Variants in CCSER1 observed in about 807,000 individuals in gnomAD.
The protein encoded by CCSER1 is coiled-coil serine rich protein 1.
In CCSER1, 41 loss-of-function variants were observed where a neutral mutation model predicts 82.0. That is an observed-to-expected ratio of 0.50 (90% CI 0.39 to 0.65). The LOEUF is 0.65. CCSER1 is among the 30% of genes least tolerant of loss of function. The pLI, the probability that CCSER1 is intolerant of heterozygous loss-of-function variation, is 0.00. For synonymous variants in CCSER1, 414 were observed against 383.9 expected, an observed-to-expected ratio of 1.08 and a Z score of -0.92; for missense variants, 1,119 against 1,064.2, an observed-to-expected ratio of 1.05 and a Z score of -0.72.
chr4:90,456,001 A>C (rs554742948), intron 4 of CCSER1, among the ~76,000 whole-genome samples: 2 of 152,276 alleles, frequency 1.3e-5, no homozygotes, highest in Admixed American at 6.5e-5. Context: ...TGGCCTCACC[A>C]AATTGCAGCC....
chr4:90,748,510 T>C (rs1011571542), intron 7 of CCSER1, among the ~76,000 whole-genome samples: 8 of 148,564 alleles, frequency 5.4e-5, no homozygotes, highest in African/African-American at 1.5e-4. Context: ...TGTGCATGTG[T>C]CTTTATAGCA....
intron 10 of CCSER1, among the ~76,000 whole-genome samples, chr4:91,329,049 T>G (rs890207682): frequency 2.6e-4 from 40 of 152,318 alleles, no homozygotes; most frequent in African/African-American, 9.6e-4. Flanking sequence ...TGTCAGTCAA[T>G]TAAACCTCTT....
At chr4:90,712,987 A>G (rs1172213541) in intron 6 of CCSER1, among the ~76,000 whole-genome samples, 1 of 131,502 alleles carries the variant, frequency 7.6e-6, no homozygotes, top group Non-Finnish European at 1.6e-5. Context: ...TCTTTTTTCC[A>G]TTTCCTTGGT....
Position 91,047,932 on chromosome 4 carries a change from A to G in CCSER1, c.2173-38018A>G, listed in dbSNP as rs926001810. 4.6e-5 allele frequency among the ~76,000 whole-genome samples: 7 copies of G among 152,182 alleles called. No individual in the cohort carries two copies. In the East Asian group the frequency reaches 1.2e-3, roughly 25 times the overall value. On this transcript the variant is annotated intron_variant, in intron 9 of 10. Transcript: ENST00000509176. Reference sequence around the variant, plus strand: ...ATCATACTTTTAGCAATAAACATGTATGTGTTAATTTTTATTAATAAATGG... The same window carrying G: ...ATCATACTTTTAGCAATAAACATGTGTGTGTTAATTTTTATTAATAAATGG...
chr4:90,484,177 C>G (rs1766583133), intron 5 of CCSER1, among the ~76,000 whole-genome samples: 1 of 151,922 alleles, frequency 6.6e-6, no homozygotes, highest in Non-Finnish European at 1.5e-5. Context: ...GTTACTGAGG[C>G]TTGTGCATTC....
intron 9 of CCSER1, among the ~76,000 whole-genome samples, chr4:90,925,425 A>G: frequency 6.6e-6 from 1 of 152,196 alleles, no homozygotes; most frequent in Non-Finnish European, 1.5e-5. Flanking sequence ...GGGAGACAGA[A>G]TTCTAACTTT....
chr4:90,930,910 T>TATA lies in CCSER1; in HGVS notation c.2172+7463_2172+7464insATA, dbSNP rs1729674620. Reference sequence around the variant, plus strand: ...TTGCAAAAGGAAATTTATCCTTATTTTATATATATATATATATATATATAT... The same window carrying TATA: ...TTGCAAAAGGAAATTTATCCTTATTTATATATATATATATATATATATATATAT... On this transcript the variant is annotated intron_variant, in intron 9 of 10. Coordinates refer to ENST00000509176, the MANE Select transcript of CCSER1 (RefSeq NM_001145065.2). Among the ~76,000 whole-genome samples the TATA allele has an allele frequency of 3.6e-5, 4 of 109,650 alleles. No individual in the cohort carries two copies. In the East Asian group the frequency reaches 7.6e-4, roughly 21 times the overall value. 71.9% of individuals were successfully genotyped at this position (109,650 alleles called of 152,430 possible). A position where few individuals can be genotyped will look rare whatever the true frequency, so the allele number is the denominator to read the frequency against.
chr4:90,803,303 G>T (rs1757061116), intron 7 of CCSER1, among the ~76,000 whole-genome samples: 1 of 152,020 alleles, frequency 6.6e-6, no homozygotes, highest in East Asian at 1.9e-4. Flanking sequence ...ACAGTGGTTT[G>T]CTGCACCCAT....
At chr4:90,152,903 A>C (rs1727152140) in intron 1 of CCSER1, among the ~76,000 whole-genome samples, 1 of 150,572 alleles carries the variant, frequency 6.6e-6, no homozygotes, top group South Asian at 2.1e-4. Flanking sequence ...TTATTATTAT[A>C]CTTTGAGTTT....
intron 1 of CCSER1, among the ~76,000 whole-genome samples, chr4:90,246,552 T>A (rs1261882907): frequency 1.3e-5 from 2 of 152,112 alleles, no homozygotes; most frequent in African/African-American, 4.8e-5. Flanking sequence ...TCTCCTGTTC[T>A]CAGTAAAAAT....
At chr4:90,818,819 G>A (rs1245985729) in intron 8 of CCSER1, among the ~76,000 whole-genome samples, 1 of 152,116 alleles carries the variant, frequency 6.6e-6, no homozygotes, top group East Asian at 1.9e-4. Context: ...TAGATTAAAT[G>A]TGTAGTCCCC....
chr4:91,403,695 A>G (rs76931212), intron 10 of CCSER1, among the ~76,000 whole-genome samples: 1 of 152,140 alleles, frequency 6.6e-6, no homozygotes, highest in Non-Finnish European at 1.5e-5. Flanking sequence ...GATGGATTAC[A>G]TTTATTGATT....
At position 91,033,029 on chromosome 4, in the gene CCSER1, C is replaced by T. The variant is rs1469473352; in HGVS notation, c.2173-52921C>T. Among the ~76,000 whole-genome samples, 12 of 150,102 alleles carry T rather than the reference C, an allele frequency of 8.0e-5. No individual in the cohort carries two copies. In the East Asian group the frequency reaches 1.2e-3, roughly 15 times the overall value. The stretch of plus-strand genomic sequence containing the variant: ...GTATTTTGAAACACTCTGTGAGAGA[C>T]GAACATAGGAGAAAATACATACAAA... On this transcript the variant is annotated intron_variant, in intron 9 of 10. Transcript: ENST00000509176.
chr4:90,315,214 A>G (rs1735972040), intron 3 of CCSER1, among the ~76,000 whole-genome samples: 1 of 152,080 alleles, frequency 6.6e-6, no homozygotes, highest in South Asian at 2.1e-4. Context: ...TTGAGGCCTT[A>G]TATTTAAATT....
rs572601019 is a variant in CCSER1 at position 90,146,002 on chromosome 4, G to A, written c.-42+18171G>A. On this transcript the variant is annotated intron_variant, in intron 1 of 10. Coordinates refer to ENST00000509176, the MANE Select transcript of CCSER1 (RefSeq NM_001145065.2). ...TATGGCTTGATAATTGGCATTTGCAGGAAGCTAACTGTTATTATCTATGAA... is the reference window on the plus strand; with the variant it reads ...TATGGCTTGATAATTGGCATTTGCAAGAAGCTAACTGTTATTATCTATGAA... Among the ~76,000 whole-genome samples the A allele has an allele frequency of 3.3e-5, 5 of 152,086 alleles. No individual in the cohort carries two copies. The East Asian group carries it at 7.7e-4, about 23-fold the overall frequency.
At chr4:90,363,608 GAA>G (rs33948729) in intron 3 of CCSER1, among the ~76,000 whole-genome samples, 2 of 150,090 alleles carry the variant, frequency 1.3e-5, no homozygotes, top group African/African-American at 2.4e-5. Flanking sequence ...AGGGCAGAAA[GAA>G]AAAAAAAATC....
intron 5 of CCSER1, among the ~76,000 whole-genome samples, chr4:90,484,682 C>T (rs1766691095): frequency 6.6e-6 from 1 of 152,158 alleles, no homozygotes; most frequent in South Asian, 2.1e-4. Flanking sequence ...GGCTGCAGAA[C>T]AGTGGATATT....
chr4:90,354,845 C>T (rs1353516415), intron 3 of CCSER1, among the ~76,000 whole-genome samples: 1 of 151,826 alleles, frequency 6.6e-6, no homozygotes, highest in Non-Finnish European at 1.5e-5. Context: ...GAAGTTTTGC[C>T]ATATTGCAAA....
intron 10 of CCSER1, among the ~76,000 whole-genome samples, chr4:91,474,804 TATATATATAC>T (rs200832794): frequency 0.058 from 7,442 of 128,530 alleles, 324 homozygotes; most frequent in East Asian, 0.22. Flanking sequence ...TATATATATA[TATATATATAC>T]ACACACACAC....
Sources: gnomAD v4.1 joint callset for allele counts (sites outside exome capture counted in the v4.1 genomes callset) on GRCh38, gnomAD v4.1.1 for gene constraint, MANE v1.5 for transcripts, NCBI Gene and HGNC (gene_info 2026-07-23, HGNC 2026-07-21) for gene names.